The following RWDD1 variants were observed in gnomAD, a reference collection of about 807,000 sequenced individuals.
The protein encoded by RWDD1 is RWD domain-containing protein 1.
RWDD1 carries 17 observed loss-of-function variants against 31.6 expected under a neutral mutation model. The ratio of observed to expected loss-of-function variants is 0.54; its 90% CI spans 0.37 to 0.81. The LOEUF (loss-of-function observed/expected upper bound fraction) is 0.81, where lower values mean the gene tolerates loss of function less well. Ranked by LOEUF, RWDD1 falls within the 30% of genes least tolerant of loss-of-function variation. The pLI is 0.00. For missense variants in RWDD1, 204 were observed against 274.5 expected (o/e 0.74, Z 1.82); for synonymous variants, 78 against 94.2 (o/e 0.83, Z 0.99).
At chr6:116,575,052 G>C (rs1774814225) in intron 1 of RWDD1, among the ~76,000 whole-genome samples, 1 of 152,070 alleles carries the variant, frequency 6.6e-6, no homozygotes, top group Admixed American at 6.6e-5. Context: ...TTATAGGCGT[G>C]AGCCATTGCA....
chr6:116,589,704 A>G (rs568623079), intron 4 of RWDD1, among the ~76,000 whole-genome samples: 2 of 152,326 alleles, frequency 1.3e-5, no homozygotes, highest in African/African-American at 4.8e-5. Flanking sequence ...AGTTCCACAT[A>G]GCTGGGAAGG....
At chr6:116,586,759 G>A (rs1478092761) in intron 3 of RWDD1, among the ~76,000 whole-genome samples, 2 of 152,180 alleles carry the variant, frequency 1.3e-5, no homozygotes, top group East Asian at 3.8e-4. Context: ...TGGTAGTTCA[G>A]TGTTTCCTGG....
rs114457202 is a variant in RWDD1 at position 116,589,520 on chromosome 6, C to A, written c.414+535C>A. On this transcript the variant is annotated intron_variant, in intron 4 of 6. Coordinates refer to ENST00000466444, the MANE Select transcript of RWDD1 (RefSeq NM_015952.4). ...TATACTACAGTGAATTAAATAGTTA[C>A]TACATGTAAAGAAAACCTCATATTT... is the stretch of plus-strand genomic sequence containing the variant. Among the ~76,000 whole-genome samples the A allele has an allele frequency of 4.2e-3, 632 of 152,140 alleles. 6 individuals carry two copies. Among genetic ancestry groups the A allele is most frequent in the African/African-American group, 0.014 (594 of 41,522 alleles).
rs1392394746 is a variant in RWDD1 at position 116,597,190 on chromosome 6, G to C, written c.*4089G>C. 6.6e-6 allele frequency: 1 copy of C among 152,176 alleles called. No individual in the cohort carries two copies. The highest frequency in any genetic ancestry group is 1.5e-5 in the Non-Finnish European group (1 of 68,034). The allele number at this position is 152,176 out of a possible 1,614,324, so 9.4% of individuals were successfully genotyped here. A position where few individuals can be genotyped will look rare whatever the true frequency, so the allele number is the denominator to read the frequency against. Reference sequence around the variant, plus strand: ...TAGCAAGTGAGAAAAAGAGAGACTAGTGGTGATGTTTTTAAGTAATTGAAG... The same window carrying C: ...TAGCAAGTGAGAAAAAGAGAGACTACTGGTGATGTTTTTAAGTAATTGAAG... On this transcript the variant is annotated 3_prime_UTR_variant, in exon 7 of 7. Coordinates refer to ENST00000466444, the MANE Select transcript of RWDD1 (RefSeq NM_015952.4).
Position 116,584,877 on chromosome 6 carries a change from A to G in RWDD1, c.270+20A>G. 1 of 1,546,966 alleles carries G rather than the reference A, an allele frequency of 6.5e-7. No homozygotes were observed. The highest frequency in any genetic ancestry group is 1.1e-5 in the South Asian group (1 of 89,022). ...TTACAGGTAAGGAAATAATAATTTT[A>G]TGTTTTGTAGCAGCATTTATTGGCC... On this transcript the variant is annotated intron_variant, in intron 3 of 6. Transcript: ENST00000466444.
chr6:116,585,427 A>G (rs1775019795), intron 3 of RWDD1, among the ~76,000 whole-genome samples: 1 of 152,158 alleles, frequency 6.6e-6, no homozygotes, highest in African/African-American at 2.4e-5. Context: ...GGGATAGGCT[A>G]CCTGTAATCT....
intron 3 of RWDD1, among the ~76,000 whole-genome samples, chr6:116,587,355 A>G (rs1775061216): frequency 1.3e-5 from 2 of 152,156 alleles, no homozygotes; most frequent in African/African-American, 4.8e-5. Context: ...AATAGAGTTG[A>G]AGAATTTCAG....
intron 2 of RWDD1, among the ~76,000 whole-genome samples, chr6:116,581,641 G>A (rs1774948640): frequency 6.6e-6 from 1 of 151,924 alleles, no homozygotes; most frequent in South Asian, 2.1e-4. Flanking sequence ...TCTAAAGGTA[G>A]TATTAAAAGA....
Position 116,580,287 on chromosome 6 carries a change from T to C in RWDD1, c.74-8T>C. 6.3e-7 allele frequency: 1 copy of C among 1,592,362 alleles called. No homozygotes were observed. The highest frequency in any genetic ancestry group is 8.6e-7 in the Non-Finnish European group (1 of 1,165,244). On this transcript the variant is annotated splice_region_variant and splice_polypyrimidine_tract_variant and intron_variant, in intron 1 of 6. Transcript: ENST00000466444. ...ATTTCAATAACTTCTGTGTGTATTT[T>C]CTTGCAGTATTATCAGAAAATCCAC...
chr6:116,590,814 C>A, intron 5 of RWDD1, 74 bp from the exon 6 acceptor site: 1 of 1,488,108 alleles, frequency 6.7e-7, no homozygotes, highest in East Asian at 2.6e-5. Flanking sequence ...TTCAAATTTG[C>A]TTTCTAAGTA....
At chr6:116,577,470 C>G (rs1298355351) in intron 1 of RWDD1, among the ~76,000 whole-genome samples, 4 of 126,844 alleles carry the variant, frequency 3.2e-5, no homozygotes. Flanking sequence ...TGAATTAAAG[C>G]CCAGCTCTCT....
chr6:116,572,063 T>C (rs528534678), intron 1 of RWDD1, among the ~76,000 whole-genome samples: 1 of 152,164 alleles, frequency 6.6e-6, no homozygotes, highest in East Asian at 1.9e-4. Flanking sequence ...TTTCATACGA[T>C]GCTGTTTTAG....
In RWDD1 at chr6:116,595,305, A is replaced by G. The variant is rs1032861652; in HGVS notation, c.*2204A>G. 1 of 152,212 alleles carries G rather than the reference A, an allele frequency of 6.6e-6. No homozygotes were observed. Among genetic ancestry groups the G allele is most frequent in the Non-Finnish European group, 1.5e-5 (1 of 68,038 alleles). 9.4% of individuals were successfully genotyped at this position (152,212 alleles called of 1,614,324 possible). On this transcript the variant is annotated 3_prime_UTR_variant, in exon 7 of 7. Transcript: ENST00000466444. Reference sequence around the variant, plus strand: ...TCCACCTTTGCCATTTCAGAACCTAAAGGCAGAATCTAATGGTAAAATGAA... The same window carrying G: ...TCCACCTTTGCCATTTCAGAACCTAGAGGCAGAATCTAATGGTAAAATGAA...
intron 3 of RWDD1, 30 bp downstream of exon 3, chr6:116,584,887 GC>G (rs774268233): frequency 1.4e-5 from 22 of 1,530,346 alleles, no homozygotes; most frequent in African/African-American, 4.1e-5. Context: ...ATGTTTTGTA[GC>G]AGCATTTATT....
chr6:116,585,508 A>G (rs1183273507), intron 3 of RWDD1, among the ~76,000 whole-genome samples: 1 of 152,116 alleles, frequency 6.6e-6, no homozygotes, highest in Non-Finnish European at 1.5e-5. Context: ...CAGAGTAGAG[A>G]GTAGGGAGGG....
rs1775215847 is a variant in RWDD1, at chr6:116,594,824, AG to A, written c.*1724del. 6.6e-6 allele frequency: 1 copy of A among 152,276 alleles called. No individual in the cohort carries two copies. Among genetic ancestry groups the A allele is most frequent in the Non-Finnish European group, 1.5e-5 (1 of 68,052 alleles). The allele number at this position is 152,276 out of a possible 1,614,324, so 9.4% of individuals were successfully genotyped here. A position where few individuals can be genotyped will look rare whatever the true frequency, so the allele number is the denominator to read the frequency against. On this transcript the variant is annotated 3_prime_UTR_variant, in exon 7 of 7. Coordinates refer to ENST00000466444, the MANE Select transcript of RWDD1 (RefSeq NM_015952.4). ...AAAGCTATTATAAAGAGCTGCCTCC[AG>A]TAAAAAATACATATGCCACATACCC...
intron 1 of RWDD1, 89 bp downstream of exon 1, chr6:116,571,744 G>T: frequency 8.3e-7 from 1 of 1,206,896 alleles, no homozygotes; most frequent in Non-Finnish European, 1.1e-6. Flanking sequence ...ATAGGTTGGG[G>T]TGGAGAAGGG....
chr6:116,572,384 A>T (rs1412824349), intron 1 of RWDD1: 1 of 152,252 alleles, frequency 6.6e-6, no homozygotes, highest in Non-Finnish European at 1.5e-5. Flanking sequence ...GTACTGAGTT[A>T]TACGTCCAGA....
chr6:116,595,503 T>A lies in RWDD1; in HGVS notation c.*2402T>A, dbSNP rs1350703875. 6.6e-6 allele frequency: 1 copy of A among 152,242 alleles called. No homozygotes were observed. Among genetic ancestry groups the A allele is most frequent in the Non-Finnish European group, 1.5e-5 (1 of 68,032 alleles). 9.4% of individuals were successfully genotyped at this position (152,242 alleles called of 1,614,324 possible). ...TTGCAATAGCATGACGAGTGGTATT[T>A]GAAGCAATAATTGTTCCATCTTGGA... On this transcript the variant is annotated 3_prime_UTR_variant, in exon 7 of 7. Coordinates refer to ENST00000466444, the MANE Select transcript of RWDD1 (RefSeq NM_015952.4).
Sources: gnomAD v4.1 joint callset for allele counts (sites outside exome capture counted in the v4.1 genomes callset) on GRCh38, gnomAD v4.1.1 for gene constraint, MANE v1.5 for transcripts, NCBI Gene and HGNC (gene_info 2026-07-23, HGNC 2026-07-21) for gene names.